Variants in COLEC12 observed in about 807,000 individuals in gnomAD.
COLEC12 encodes the protein collectin subfamily member 12.
COLEC12 carries 33 observed loss-of-function variants against 71.1 expected under a neutral mutation model. The ratio of observed to expected loss-of-function variants is 0.46; its 90% CI spans 0.35 to 0.62. The LOEUF (loss-of-function observed/expected upper bound fraction) is 0.62, where lower values mean the gene tolerates loss of function less well. COLEC12 is among the 20% of genes least tolerant of loss of function. The pLI is 0.00. For synonymous variants in COLEC12, 350 were observed against 353.0 expected (o/e 0.99, Z 0.10); for missense variants, 765 against 916.1 (o/e 0.84, Z 2.13).
At chr18:420,398 G>A (rs552172764) in intron 2 of COLEC12, among the ~76,000 whole-genome samples, 11 of 152,064 alleles carry the variant, frequency 7.2e-5, no homozygotes, top group East Asian at 3.9e-4. Flanking sequence ...GTGATGCCTC[G>A]GTATTTCCAA....
intron 2 of COLEC12, among the ~76,000 whole-genome samples, chr18:459,743 T>C (rs1916941384): frequency 6.6e-6 from 1 of 152,218 alleles, no homozygotes; most frequent in Admixed American, 6.5e-5. Context: ...GCCTCTCCCA[T>C]GCCTCTCAGC....
At chr18:357,010 G>A (rs1185793826) in intron 3 of COLEC12, among the ~76,000 whole-genome samples, 1 of 152,056 alleles carries the variant, frequency 6.6e-6, no homozygotes, top group East Asian at 1.9e-4. Context: ...GAGATCTTGT[G>A]TTTTGCTTAT....
Position 485,300 on chromosome 18 carries a change from G to A in COLEC12, c.8-4543C>T, listed in dbSNP as rs551545902. ...CCAATGTCTATCTCTGACAGTCATAGCCACACAACTGCCACACTCCTACAT... is the reference window on the plus strand; with the variant it reads ...CCAATGTCTATCTCTGACAGTCATAACCACACAACTGCCACACTCCTACAT... On this transcript the variant is annotated intron_variant, in intron 1 of 9. Coordinates refer to ENST00000400256, the MANE Select transcript of COLEC12 (RefSeq NM_130386.3). Among the ~76,000 whole-genome samples, 7 of 152,254 alleles carry A rather than the reference G, an allele frequency of 4.6e-5. No individual in the cohort carries two copies. The South Asian group carries it at 1.0e-3, about 23-fold the overall frequency.
intron 2 of COLEC12, among the ~76,000 whole-genome samples, chr18:479,555 C>T (rs1469439571): frequency 6.6e-6 from 1 of 151,820 alleles, no homozygotes; most frequent in Non-Finnish European, 1.5e-5. Context: ...CTCTCTCACA[C>T]ACACACAGAA....
chr18:346,368 T>G lies in COLEC12; in HGVS notation c.1254A>C (p.Ser418=). 1.2e-6 allele frequency: 2 copies of G among 1,614,192 alleles called. No homozygotes were observed. The highest frequency in any genetic ancestry group is 2.2e-5 in the East Asian group (1 of 44,892). ...CTAGCTTCATTTCTTCCATAATCAC[T>G]GATAAGTTGGCTACTTCAGTGTCTA... ...SRLDTEVANL[S]VIMEEMKLVD... is the part of the protein sequence containing the mutation. Residue 418 remains serine (S), a synonymous_variant, in exon 5 of 10, where the codon TCA becomes TCC. Transcript: ENST00000400256. This position sits in a 1 kb window ranked among gnomAD's most constrained non-coding sequence, Gnocchi z 4.0.
At chr18:463,270 G>C (rs543363752) in intron 2 of COLEC12, among the ~76,000 whole-genome samples, 1 of 151,988 alleles carries the variant, frequency 6.6e-6, no homozygotes, top group Non-Finnish European at 1.5e-5. Flanking sequence ...TTTAGCCTTG[G>C]TTTATTGTTT....
At position 319,092 on chromosome 18, in the gene COLEC12, A is replaced by G. The variant is rs1913622942; in HGVS notation, c.*953T>C. ...TGCCCTTCCCAACAGATGCCTCTCC[A>G]TCCCCCACACCTCCCGACTCCACCA... On this transcript the variant is annotated 3_prime_UTR_variant, in exon 10 of 10. Coordinates refer to ENST00000400256, the MANE Select transcript of COLEC12 (RefSeq NM_130386.3). The G allele has an allele frequency of 6.6e-6, 1 of 151,756 alleles. No homozygotes were observed. Among genetic ancestry groups the G allele is most frequent in the South Asian group, 2.1e-4 (1 of 4,812 alleles). The allele number at this position is 151,756 out of a possible 1,614,324, so 9.4% of individuals were successfully genotyped here.
chr18:405,278 C>T (rs942374394), intron 2 of COLEC12, among the ~76,000 whole-genome samples: 4 of 152,188 alleles, frequency 2.6e-5, no homozygotes, highest in Non-Finnish European at 5.9e-5. Flanking sequence ...AATAGTTCTG[C>T]TTTTGCCCTT....
At position 480,061 on chromosome 18, in the gene COLEC12, C is replaced by T. The variant is rs528639094; in HGVS notation, c.58+646G>A. Among the ~76,000 whole-genome samples, 1 of 152,352 alleles carries T rather than the reference C, an allele frequency of 6.6e-6. No individual in the cohort carries two copies. Among genetic ancestry groups the T allele is most frequent in the African/African-American group, 2.4e-5 (1 of 41,578 alleles). On this transcript the variant is annotated intron_variant, in intron 2 of 9. Transcript: ENST00000400256. This position sits in a 1 kb window ranked among gnomAD's most constrained non-coding sequence, Gnocchi z 4.1. ...CCTCACATCACCTTCTCTCTGCAGT[C>T]ACATCTCCCTCTGCCTCTCTCTTAC...
chr18:424,349 G>A lies in COLEC12; in HGVS notation c.58+56358C>T, dbSNP rs532250710. On this transcript the variant is annotated intron_variant, in intron 2 of 9. Coordinates refer to ENST00000400256, the MANE Select transcript of COLEC12 (RefSeq NM_130386.3). ...AAGCAGTATATAATTTAGAAAGGGGGAAATGCTATCATAGCTTTTGCCCCC... is the reference window on the plus strand; with the variant it reads ...AAGCAGTATATAATTTAGAAAGGGGAAAATGCTATCATAGCTTTTGCCCCC... 4 of 152,306 alleles carry A rather than the reference G, an allele frequency of 2.6e-5. No individual in the cohort carries two copies. The South Asian group carries it at 6.2e-4, about 24-fold the overall frequency. 9.4% of individuals were successfully genotyped at this position (152,306 alleles called of 1,614,324 possible). A position where few individuals can be genotyped will look rare whatever the true frequency, so the allele number is the denominator to read the frequency against.
intron 3 of COLEC12, among the ~76,000 whole-genome samples, chr18:354,562 A>G (rs1288757217): frequency 1.3e-5 from 2 of 152,152 alleles, no homozygotes; most frequent in Non-Finnish European, 2.9e-5. Context: ...GAGTTTCTCT[A>G]GACTTCAAAG....
intron 2 of COLEC12, among the ~76,000 whole-genome samples, chr18:464,496 C>T (rs1474248752): frequency 6.6e-6 from 1 of 152,186 alleles, no homozygotes; most frequent in Admixed American, 6.5e-5. Context: ...TGGGGACTTC[C>T]TCATTTTAAT....
In COLEC12 at chr18:346,250, G is replaced by A. The variant is rs754253028; in HGVS notation, c.1327+45C>T. 4 of 1,361,834 alleles carry A rather than the reference G, an allele frequency of 2.9e-6. No homozygotes were observed. Among genetic ancestry groups the A allele is most frequent in the Middle Eastern group, 3.7e-4 (2 of 5,406 alleles). 84.4% of individuals were successfully genotyped at this position (1,361,834 alleles called of 1,614,324 possible). ...AAGTTTTAGAGTAACTTGTTATGCAGCAATAAACAACTAATACAAATACAA... is the reference window on the plus strand; with the variant it reads ...AAGTTTTAGAGTAACTTGTTATGCAACAATAAACAACTAATACAAATACAA... On this transcript the variant is annotated intron_variant, in intron 5 of 9. Transcript: ENST00000400256. The surrounding 1 kb of genome is among the most constrained non-coding windows in gnomAD (Gnocchi z 4.0).
chr18:430,349 A>T (rs1170455560), intron 2 of COLEC12, among the ~76,000 whole-genome samples: 7 of 151,564 alleles, frequency 4.6e-5, no homozygotes, highest in Non-Finnish European at 1.0e-4. Flanking sequence ...AAAAAAAATT[A>T]GAAGAAAGAA....
At chr18:425,580 C>T (rs1916184255) in intron 2 of COLEC12, among the ~76,000 whole-genome samples, 2 of 152,142 alleles carry the variant, frequency 1.3e-5, no homozygotes, top group South Asian at 4.1e-4. Flanking sequence ...GATGACAGCG[C>T]TGGGGGAAGA....
At chr18:392,923 G>C (rs1024213611) in intron 2 of COLEC12, among the ~76,000 whole-genome samples, 2 of 152,206 alleles carry the variant, frequency 1.3e-5, no homozygotes, top group African/African-American at 4.8e-5. Context: ...CTTTGTTCTT[G>C]AGGTCTTCAC....
intron 2 of COLEC12, among the ~76,000 whole-genome samples, chr18:422,031 G>A (rs1916109130): frequency 6.6e-6 from 1 of 152,188 alleles, no homozygotes; most frequent in African/African-American, 2.4e-5. Context: ...TAGGCCTTCA[G>A]ATGGTCCAGC....
chr18:492,710 T>C (rs1434389644), intron 1 of COLEC12, among the ~76,000 whole-genome samples: 1 of 150,960 alleles, frequency 6.6e-6, no homozygotes, highest in Middle Eastern at 3.2e-3. Flanking sequence ...AAAAAAGAGG[T>C]CTTTGGTTTA....
At chr18:377,090 A>G (rs1263025579) in intron 2 of COLEC12, among the ~76,000 whole-genome samples, 1 of 152,126 alleles carries the variant, frequency 6.6e-6, no homozygotes, top group Non-Finnish European at 1.5e-5. Context: ...AAAGGGGAGG[A>G]AAGGGAAGAG....
Sources: gnomAD v4.1 joint callset for allele counts (sites outside exome capture counted in the v4.1 genomes callset) on GRCh38, gnomAD v4.1.1 for gene constraint, Gnocchi (gnomAD v3.1) non-coding constraint, MANE v1.5 for transcripts, NCBI Gene and HGNC (gene_info 2026-07-23, HGNC 2026-07-21) for gene names.